The following FBXW10B variants were observed in gnomAD, a reference collection of about 807,000 sequenced individuals.
FBXW10B encodes F-box and WD repeat domain containing 10B, also known as F-box and WD repeat domain containing protein 10B.
chr17:15,612,313 G>C, the FBXW10B span, among the ~76,000 whole-genome samples: 48,580 of 151,390 alleles, frequency 0.32, 8,270 homozygotes, highest in African/African-American at 0.43. Context: ...CAAGACCATC[G>C]GGGCTAACAC....
the FBXW10B span, among the ~76,000 whole-genome samples, chr17:15,582,703 T>C: frequency 6.6e-6 from 1 of 151,908 alleles, no homozygotes; most frequent in African/African-American, 2.4e-5. Context: ...TGTGACAAAA[T>C]AGTCCAGAAA....
chr17:15,618,849 C>T, the FBXW10B span: 23 of 985,116 alleles, frequency 2.3e-5, no homozygotes, highest in South Asian at 4.7e-5. Flanking sequence ...TAAACAGGAT[C>T]GGGTGTCAGG....
At chr17:15,565,649 G>A in the FBXW10B span, 8 of 1,614,126 alleles carry the variant, frequency 5.0e-6, no homozygotes, top group Non-Finnish European at 6.8e-6. Context: ...GCTTTTCCTG[G>A]ATCAACCACT....
At chr17:15,598,951 C>A in the FBXW10B span, among the ~76,000 whole-genome samples, 1 of 151,994 alleles carries the variant, frequency 6.6e-6, no homozygotes, top group African/African-American at 2.4e-5. Flanking sequence ...CTGAGGCAGG[C>A]GGATCATGAG....
the FBXW10B span, among the ~76,000 whole-genome samples, chr17:15,618,615 G>A: frequency 6.6e-6 from 1 of 151,352 alleles, no homozygotes; most frequent in Non-Finnish European, 1.5e-5. Flanking sequence ...CAGGGCAGCT[G>A]AAGAGAAAAA....
chr17:15,566,154 T>A, the FBXW10B span: 4 of 1,610,076 alleles, frequency 2.5e-6, no homozygotes, highest in Middle Eastern at 1.6e-4. Context: ...AAATTGAAGG[T>A]CCCCAGACAT....
At chr17:15,588,973 T>C in the FBXW10B span, 107 of 1,613,248 alleles carry the variant, frequency 6.6e-5, no homozygotes, top group Non-Finnish European at 8.7e-5. Context: ...GTATACCTGC[T>C]GCTACACACC....
At chr17:15,579,938 A>T in the FBXW10B span, among the ~76,000 whole-genome samples, 1 of 151,672 alleles carries the variant, frequency 6.6e-6, no homozygotes, top group South Asian at 2.1e-4. Context: ...AAAATAATTC[A>T]TAGAAATGTG....
the FBXW10B span, among the ~76,000 whole-genome samples, chr17:15,618,775 G>C: frequency 6.6e-6 from 1 of 152,142 alleles, no homozygotes; most frequent in East Asian, 1.9e-4. Flanking sequence ...GTTAAAAGTT[G>C]TGTACTTCCT....
chr17:15,593,554 T>C, the FBXW10B span: 2 of 1,597,460 alleles, frequency 1.3e-6, no homozygotes, highest in East Asian at 4.5e-5. Context: ...CTGGGTTTGT[T>C]TGTAGGTTGG....
the FBXW10B span, among the ~76,000 whole-genome samples, chr17:15,605,595 C>A: frequency 6.6e-6 from 1 of 152,150 alleles, no homozygotes; most frequent in Non-Finnish European, 1.5e-5. Context: ...CTGAGGGATC[C>A]CCACTCTCAT....
the FBXW10B span, among the ~76,000 whole-genome samples, chr17:15,595,616 G>A: frequency 1.3e-5 from 2 of 152,036 alleles, no homozygotes; most frequent in African/African-American, 4.8e-5. Flanking sequence ...CCCTGTGCCT[G>A]CAACCGCTGG....
At chr17:15,589,251 A>T in the FBXW10B span, 1 of 1,612,788 alleles carries the variant, frequency 6.2e-7, no homozygotes, top group Non-Finnish European at 8.5e-7. Flanking sequence ...GTAAAGAGAG[A>T]CCGTGTCATC....
the FBXW10B span, among the ~76,000 whole-genome samples, chr17:15,597,589 T>C: frequency 4.8e-3 from 726 of 151,822 alleles, 3 homozygotes; most frequent in African/African-American, 0.017. Context: ...GCCAAGATTG[T>C]GCCACTGCAC....
chr17:15,609,730 A>G, the FBXW10B span, among the ~76,000 whole-genome samples: 3 of 152,106 alleles, frequency 2.0e-5, no homozygotes, highest in African/African-American at 7.2e-5. Flanking sequence ...CACCCTGAGA[A>G]GCACTCACCT....
At chr17:15,582,903 A>C in the FBXW10B span, among the ~76,000 whole-genome samples, 1 of 150,920 alleles carries the variant, frequency 6.6e-6, no homozygotes, top group Non-Finnish European at 1.5e-5. Flanking sequence ...AGCTAGCTGA[A>C]GGCTGTTTCT....
At chr17:15,605,527 A>G in the FBXW10B span, 1 of 1,385,890 alleles carries the variant, frequency 7.2e-7, no homozygotes, top group Admixed American at 2.7e-5. Context: ...TGTAAAGGAA[A>G]ATCCAGGGCC....
the FBXW10B span, among the ~76,000 whole-genome samples, chr17:15,616,057 G>C: frequency 3.2e-4 from 48 of 152,114 alleles, no homozygotes; most frequent in Non-Finnish European, 6.9e-4. Flanking sequence ...CAGAGAGAGA[G>C]AGTCGAGGTC....
the FBXW10B span, chr17:15,613,636 C>T: frequency 6.3e-7 from 1 of 1,581,034 alleles, no homozygotes. Context: ...TAATCTGGTT[C>T]TGAATGAAGC....
Sources: allele counts gnomAD v4.1 joint callset (sites outside exome capture counted in the v4.1 genomes callset), GRCh38; gene constraint gnomAD v4.1.1; transcripts MANE v1.5; gene names NCBI Gene and HGNC (gene_info 2026-07-23, HGNC 2026-07-21).